HEXD: variants seen among roughly 807,000 people sequenced by gnomAD.
HEXD encodes N-acetyl-beta-galactosaminidase.
In HEXD, 47 loss-of-function variants were observed where a neutral mutation model predicts 54.2. That is an observed-to-expected ratio of 0.87 (90% CI 0.69 to 1.11). The LOEUF is 1.11. Ranked by LOEUF, HEXD falls within the 50% of genes least tolerant of loss-of-function variation. The pLI, the probability that HEXD is intolerant of heterozygous loss-of-function variation, is 0.00. For synonymous variants in HEXD, 293 were observed against 287.6 expected (o/e 1.02, Z -0.19); for missense variants, 576 against 649.2 (o/e 0.89, Z 1.23).
chr17:82,430,535 A>G (rs561533968), intron 4 of HEXD, among the ~76,000 whole-genome samples: 1 of 152,110 alleles, frequency 6.6e-6, no homozygotes, highest in South Asian at 2.1e-4. Flanking sequence ...TTACAGGTGT[A>G]CCCCACCATG....
intron 2 of HEXD, chr17:82,420,384 G>C (rs1473283934): frequency 6.6e-6 from 1 of 152,434 alleles, no homozygotes; most frequent in African/African-American, 2.4e-5. Context: ...AGCCAAGATG[G>C]TCATGACGTG....
intron 4 of HEXD, among the ~76,000 whole-genome samples, chr17:82,431,715 C>T (rs1018591130): frequency 1.3e-5 from 2 of 152,126 alleles, no homozygotes; most frequent in African/African-American, 4.8e-5. Flanking sequence ...CCATGCCCGG[C>T]CTCCTTTCAT....
chr17:82,424,404 T>C lies in HEXD; in HGVS notation c.95T>C (p.Leu32Pro), dbSNP rs1458484682. 6.2e-7 allele frequency: 1 copy of C among 1,613,672 alleles called. No individual in the cohort carries two copies. The highest frequency in any genetic ancestry group is 8.5e-7 in the Non-Finnish European group (1 of 1,179,702). Residue 32 changes from leucine (L) to proline (P), a missense_variant, in exon 3 of 13, where the codon CTG (leucine) becomes CCG (proline). By Grantham distance (98) the Leu-to-Pro change is moderately conservative. Coordinates refer to ENST00000327949, the MANE Select transcript of HEXD (RefSeq NM_001330542.2). ...KVSYLSEIFP[L>P]FRALGANGLL... ...CTGTTTACCCCCCAGATTTTTCCTC[T>C]GTTCCGTGCGCTAGGTGCAAACGGC... is the stretch of plus-strand genomic sequence containing the variant.
intron 3 of HEXD, chr17:82,426,987 T>C (rs918739924): frequency 2.6e-5 from 4 of 152,232 alleles, no homozygotes; most frequent in African/African-American, 7.2e-5. Context: ...ATATAAAAAA[T>C]TAGCCAGGCA....
At chr17:82,440,279 G>A in intron 9 of HEXD, 2 of 1,283,580 alleles carry the variant, frequency 1.6e-6, no homozygotes, top group Non-Finnish European at 2.0e-6. Flanking sequence ...AAATGGCCGA[G>A]ACGCGCGGAG....
At chr17:82,419,912 T>C (rs372614862) in intron 2 of HEXD, 29 bp downstream of exon 2, 13 of 1,450,424 alleles carry the variant, frequency 9.0e-6, no homozygotes, top group South Asian at 8.1e-5. Context: ...CTCTAGAGCA[T>C]TACTTTTTGC....
intron 4 of HEXD, among the ~76,000 whole-genome samples, chr17:82,431,214 G>C (rs763181792): frequency 3.3e-5 from 5 of 151,816 alleles, no homozygotes; most frequent in Non-Finnish European, 5.9e-5. Context: ...ATGTTGCCCA[G>C]ACTGGTCTCG....
chr17:82,424,164 C>T (rs907055501), intron 2 of HEXD, among the ~76,000 whole-genome samples: 1 of 152,214 alleles, frequency 6.6e-6, no homozygotes, highest in African/African-American at 2.4e-5. Context: ...TGAGTAGCAG[C>T]CCTGTTTCAT....
intron 4 of HEXD, among the ~76,000 whole-genome samples, chr17:82,432,830 A>G (rs150092469): frequency 0.027 from 4,081 of 151,456 alleles, 177 homozygotes; most frequent in African/African-American, 0.093. Context: ...TTGGGAGGCC[A>G]AGGCGGGCAG....
At position 82,442,250 on chromosome 17, in the gene HEXD, G is replaced by A. The variant is rs761843087; in HGVS notation, c.1327G>A (p.Val443Met). 1.6e-5 allele frequency: 26 copies of A among 1,606,432 alleles called. No homozygotes were observed. The highest frequency in any genetic ancestry group is 8.3e-5 in the Admixed American group (5 of 60,014). Residue 443 changes from valine (V) to methionine (M), a missense_variant, in exon 13 of 13, where the codon GTG (valine) becomes ATG (methionine). By Grantham distance (21) the Val-to-Met change is conservative (BLOSUM62 1). Coordinates refer to ENST00000327949, the MANE Select transcript of HEXD (RefSeq NM_001330542.2). This position sits in a 1 kb window ranked among gnomAD's most constrained non-coding sequence, Gnocchi z 6.8. ...ALQLAFYPDA[V>M]EEWLEENVHP... ...GCAGCTGGCTTTCTACCCGGATGCC[G>A]TGGAGGAGTGGCTGGAGGAAAACGT...
At chr17:82,437,713 G>A (rs1323125593) in intron 8 of HEXD, among the ~76,000 whole-genome samples, 5 of 152,170 alleles carry the variant, frequency 3.3e-5, no homozygotes, top group Admixed American at 6.6e-5. Flanking sequence ...TAGAAATGCC[G>A]TCTCAATTCG....
At chr17:82,433,917 G>C in intron 5 of HEXD, 95 bp downstream of exon 5, 6 of 1,171,874 alleles carry the variant, frequency 5.1e-6, no homozygotes, top group Non-Finnish European at 7.1e-6. Context: ...GAGGCCTAGA[G>C]ACAGGCTTGT....
chr17:82,439,713 G>C lies in HEXD; in HGVS notation c.982G>C (p.Gly328Arg). ...LAACLQLLLR[G>R]GFDEDVKAKV... is the part of the protein sequence containing the mutation. ...CGCCTGCCTGCAGTTGCTTCTACGC[G>C]GTATGTCTGGTCTGGCCACCCCAAG... Residue 328 changes from glycine (G) to arginine (R), a missense_variant and splice_region_variant, in exon 9 of 13, where the codon GGA becomes CGA. Coordinates refer to ENST00000327949, the MANE Select transcript of HEXD (RefSeq NM_001330542.2). 6.3e-7 allele frequency: 1 copy of C among 1,599,800 alleles called. No individual in the cohort carries two copies. Among genetic ancestry groups the C allele is most frequent in the Non-Finnish European group, 8.5e-7 (1 of 1,179,614 alleles).
intron 4 of HEXD, among the ~76,000 whole-genome samples, chr17:82,429,550 C>T (rs985026282): frequency 3.9e-5 from 6 of 152,118 alleles, no homozygotes; most frequent in African/African-American, 1.4e-4. Context: ...CGCTCTTAGC[C>T]TCCTGCCACG....
In HEXD at chr17:82,441,095, C is replaced by T; in HGVS notation, c.1061+20C>T. On this transcript the variant is annotated intron_variant, in intron 10 of 12. Transcript: ENST00000327949. The stretch of plus-strand genomic sequence containing the variant: ...TGTTAGGCAAGCACCCTGCAGCCCT[C>T]CCTGTCCCCTTCTTCCCCTCCCCTT... The T allele has an allele frequency of 1.9e-6, 3 of 1,613,662 alleles. No homozygotes were observed. Among genetic ancestry groups the T allele is most frequent in the Non-Finnish European group, 2.5e-6 (3 of 1,180,032 alleles).
intron 4 of HEXD, among the ~76,000 whole-genome samples, chr17:82,432,631 C>T (rs1262198394): frequency 6.6e-6 from 1 of 152,004 alleles, no homozygotes; most frequent in Non-Finnish European, 1.5e-5. Context: ...GGCTGGAGTG[C>T]AGTGGTGTGA....
chr17:82,437,093 A>G, intron 7 of HEXD, 75 bp from the exon 8 acceptor site: 1 of 1,317,930 alleles, frequency 7.6e-7, no homozygotes, highest in Non-Finnish European at 1.1e-6. Context: ...CTCTGGGTAC[A>G]GCCCCGGGAG....
intron 8 of HEXD, 188 bp from the exon 9 acceptor site, chr17:82,439,443 A>G (rs2053863809): frequency 4.1e-6 from 4 of 985,390 alleles, no homozygotes; most frequent in Non-Finnish European, 4.8e-6. Flanking sequence ...CGGAGTTGAC[A>G]TGAGAGCCCT....
rs1330507269 is a variant in HEXD at position 82,442,186 on chromosome 17, A to G, written c.1263A>G (p.Ala421=). The change falls in exon 13 of 13, where the codon GCA becomes GCG. Residue 421 remains alanine (A), a synonymous_variant. Transcript: ENST00000327949. The surrounding 1 kb of genome is among the most constrained non-coding windows in gnomAD (Gnocchi z 6.8). The part of the protein sequence containing the change: ...HIQPAALSLL[A]QWSTLVQELE... ...GCGCCCTCACCTGCAGCCTCCTGGC[A>G]CAGTGGAGCACCCTCGTGCAGGAGC... The G allele has an allele frequency of 6.3e-7, 1 of 1,599,280 alleles. No individual in the cohort carries two copies. Among genetic ancestry groups the G allele is most frequent in the South Asian group, 1.1e-5 (1 of 91,012 alleles).
Sources: gnomAD v4.1 joint callset for allele counts (sites outside exome capture counted in the v4.1 genomes callset) on GRCh38, gnomAD v4.1.1 for gene constraint, Gnocchi (gnomAD v3.1) non-coding constraint, MANE v1.5 for transcripts, NCBI Gene and HGNC (gene_info 2026-07-23, HGNC 2026-07-21) for gene names.